The following CRCP variants were observed in gnomAD, a reference collection of about 807,000 sequenced individuals.
CRCP encodes the protein DNA-directed RNA polymerase III subunit RPC9.
Under a neutral mutation model 18.5 loss-of-function variants are expected in CRCP, and 18 were observed. The observed-to-expected ratio is 0.97, with a 90% CI of 0.67 to 1.44. The LOEUF (loss-of-function observed/expected upper bound fraction) is 1.44, where lower values mean the gene tolerates loss of function less well. Ranked by LOEUF, CRCP falls within the 40% of genes most tolerant of loss-of-function variation. The pLI is 0.00. For synonymous variants in CRCP, 53 were observed against 62.9 expected, an observed-to-expected ratio of 0.84 and a Z score of 0.75; for missense variants, 130 against 176.4, an observed-to-expected ratio of 0.74 and a Z score of 1.49.
At position 66,127,694 on chromosome 7, in the gene CRCP, T is replaced by A. The variant is rs200416687; in HGVS notation, c.9-10T>A. 6.2e-7 allele frequency: 1 copy of A among 1,614,160 alleles called. No homozygotes were observed. Among genetic ancestry groups the A allele is most frequent in the South Asian group, 1.1e-5 (1 of 91,062 alleles). On this transcript the variant is annotated splice_polypyrimidine_tract_variant and intron_variant, in intron 1 of 5. Coordinates refer to ENST00000395326, the MANE Select transcript of CRCP (RefSeq NM_014478.5). ...GCCCAGACTGATGATAGCTTACTTT[T>A]CTTTTTCAGGAAGGATGCCAATTCT...
intron 1 of CRCP, among the ~76,000 whole-genome samples, chr7:66,124,538 T>A (rs186525430): frequency 7.2e-6 from 1 of 139,350 alleles, no homozygotes; most frequent in Non-Finnish European, 1.6e-5. Context: ...CTCCTTCCCT[T>A]CCTTCCTTCC....
intron 4 of CRCP, among the ~76,000 whole-genome samples, chr7:66,139,537 A>G (rs1406649714): frequency 3.3e-5 from 5 of 152,136 alleles, no homozygotes. Flanking sequence ...TGTATCCTGG[A>G]CATTTGAGTA....
chr7:66,134,402 C>G lies in CRCP; in HGVS notation c.239+28C>G, dbSNP rs368764210. ...AAGTAAATCTCTTAAGTAGGAAGAG[C>G]GTGACACATGGTGAAATGATAGTTG... On this transcript the variant is annotated intron_variant, in intron 4 of 5. Transcript: ENST00000395326. 1.4e-4 allele frequency: 204 copies of G among 1,416,636 alleles called. 2 individuals are homozygous for G. In the South Asian group the frequency reaches 1.5e-3, roughly 10 times the overall value. The allele number at this position is 1,416,636 out of a possible 1,614,324, so 87.8% of individuals were successfully genotyped here.
At chr7:66,149,353 A>G (rs1440113801) in intron 5 of CRCP, among the ~76,000 whole-genome samples, 1 of 151,864 alleles carries the variant, frequency 6.6e-6, no homozygotes, top group Admixed American at 6.6e-5. Context: ...ATCTCTACAA[A>G]AAATAATAAA....
chr7:66,134,560 T>TA, intron 4 of CRCP, 186 bp downstream of exon 4: 1 of 457,532 alleles, frequency 2.2e-6, no homozygotes, highest in Non-Finnish European at 3.8e-6. Context: ...TTTTTTTTTT[T>TA]TTATAAATGA....
chr7:66,145,190 T>C (rs1450874688), intron 4 of CRCP, among the ~76,000 whole-genome samples: 2 of 152,048 alleles, frequency 1.3e-5, no homozygotes, highest in African/African-American at 2.4e-5. Flanking sequence ...GACCCCCCTG[T>C]TTTTAAAATG....
rs190677908 is a variant in CRCP, at chr7:66,131,695, G to A, written c.144+853G>A. On this transcript the variant is annotated intron_variant, in intron 3 of 5. Transcript: ENST00000395326. ...CTTCCTCAAAAGCCACAAAATCTGT[G>A]TAATCATGAGAAAGCATCACATCAT... Among the ~76,000 whole-genome samples, 6 of 151,804 alleles carry A rather than the reference G, an allele frequency of 4.0e-5. No individual in the cohort carries two copies. The East Asian group carries it at 1.2e-3, about 29-fold the overall frequency.
intron 3 of CRCP, among the ~76,000 whole-genome samples, chr7:66,132,951 C>A (rs531178498): frequency 6.6e-6 from 1 of 151,828 alleles, no homozygotes; most frequent in African/African-American, 2.4e-5. Flanking sequence ...AAAGGACTTA[C>A]CAAGTTTAGC....
In CRCP at chr7:66,127,754, T is replaced by C. The variant is rs1399202700; in HGVS notation, c.45+14T>C. 17 of 1,613,674 alleles carry C rather than the reference T, an allele frequency of 1.1e-5. No individual in the cohort carries two copies. The highest frequency in any genetic ancestry group is 1.4e-5 in the Non-Finnish European group (16 of 1,179,712). On this transcript the variant is annotated intron_variant, in intron 2 of 5. Coordinates refer to ENST00000395326, the MANE Select transcript of CRCP (RefSeq NM_014478.5). ...AGTAACTACGAGGTAAATTGGATTG[T>C]TACATTTTCCTCTCTGATAGTTTGC...
intron 4 of CRCP, among the ~76,000 whole-genome samples, chr7:66,134,673 A>G (rs1194287473): frequency 6.6e-6 from 1 of 152,096 alleles, no homozygotes; most frequent in African/African-American, 2.4e-5. Flanking sequence ...GTGAGGGGAA[A>G]TGGAAATGCT....
chr7:66,151,114 G>A (rs1391325390), intron 5 of CRCP, among the ~76,000 whole-genome samples: 1 of 152,204 alleles, frequency 6.6e-6, no homozygotes, highest in Admixed American at 6.5e-5. Flanking sequence ...TTGTTGGGAG[G>A]ACGAAAGGAA....
At chr7:66,147,341 G>GAA (rs11316310) in intron 5 of CRCP, among the ~76,000 whole-genome samples, 4 of 139,816 alleles carry the variant, frequency 2.9e-5, no homozygotes, top group Admixed American at 7.1e-5. Context: ...TCCATCTTGG[G>GAA]AAAAAAAAAA....
chr7:66,126,529 G>T, intron 1 of CRCP: 1 of 303,088 alleles, frequency 3.3e-6, no homozygotes, highest in East Asian at 1.1e-4. Context: ...TCTGAGTCTT[G>T]TGCTTTATCT....
chr7:66,148,375 CAA>C (rs1160475776), intron 5 of CRCP, among the ~76,000 whole-genome samples: 1 of 152,124 alleles, frequency 6.6e-6, no homozygotes. Context: ...CTCTAGAAAA[CAA>C]AAGGAAATAA....
At chr7:66,134,403 G>GT in intron 4 of CRCP, 29 bp downstream of exon 4, 1 of 1,393,780 alleles carries the variant, frequency 7.2e-7, no homozygotes, top group Non-Finnish European at 1.0e-6. Context: ...TAGGAAGAGC[G>GT]TGACACATGG....
At chr7:66,117,116 T>G (rs1415265210) in intron 1 of CRCP, among the ~76,000 whole-genome samples, 1 of 99,634 alleles carries the variant, frequency 1.0e-5, no homozygotes, top group Non-Finnish European at 2.0e-5. Context: ...CAAGACTGTC[T>G]CAAAAAAAAA....
At chr7:66,145,602 C>T in intron 5 of CRCP, 102 bp downstream of exon 5, 1 of 1,174,992 alleles carries the variant, frequency 8.5e-7, no homozygotes, top group Non-Finnish European at 1.3e-6. Flanking sequence ...AGAGGCTGCC[C>T]AACCACTCCA....
intron 5 of CRCP, among the ~76,000 whole-genome samples, chr7:66,151,604 A>G (rs1788463176): frequency 1.3e-5 from 2 of 151,348 alleles, no homozygotes; most frequent in African/African-American, 4.9e-5. Context: ...GTGCTTGTGA[A>G]ATATAAAAGT....
intron 3 of CRCP, among the ~76,000 whole-genome samples, chr7:66,132,395 CTG>C (rs975035240): frequency 2.0e-5 from 3 of 152,132 alleles, no homozygotes; most frequent in African/African-American, 7.2e-5. Context: ...TGTAGAATGT[CTG>C]TTGATTTGTG....
Sources: gnomAD v4.1 joint callset for allele counts (sites outside exome capture counted in the v4.1 genomes callset) on GRCh38, gnomAD v4.1.1 for gene constraint, MANE v1.5 for transcripts, NCBI Gene and HGNC (gene_info 2026-07-23, HGNC 2026-07-21) for gene names.